The following SEMA4D variants were observed in gnomAD, a reference collection of about 807,000 sequenced individuals.
SEMA4D encodes semaphorin 4D.
Under a neutral mutation model 74.8 loss-of-function variants are expected in SEMA4D, and 22 were observed. That is an observed-to-expected ratio of 0.29 (90% confidence interval 0.21 to 0.42). The LOEUF is 0.42. Among genes scored for constraint, SEMA4D ranks in the 10% least tolerant of loss-of-function variants. The probability of loss-of-function intolerance (pLI) is 1.00; values close to 1 mark genes in which losing one functional copy is unlikely to be tolerated. For missense variants in SEMA4D, 937 were observed against 1,118.4 expected (o/e 0.84, Z 2.31); for synonymous variants, 445 against 463.7 (o/e 0.96, Z 0.52).
intron 16 of SEMA4D, among the ~76,000 whole-genome samples, chr9:89,371,387 CT>C (rs1834715509): frequency 4.7e-5 from 2 of 42,108 alleles, no homozygotes; most frequent in South Asian, 9.6e-4. Context: ...GCATGTGTGT[CT>C]GGGGTGTGGT....
At chr9:89,450,179 CAAGCAGAAGAAGGACCATGAAA>C in intron 2 of SEMA4D, 1 of 1,259,600 alleles carries the variant, frequency 7.9e-7, no homozygotes, top group South Asian at 1.2e-5. Context: ...TTCCCACAGA[CAAGCAGAAGAAGGACCATGAAA>C]AAGCTGAATT....
intron 2 of SEMA4D, among the ~76,000 whole-genome samples, chr9:89,410,055 C>T (rs907673955): frequency 6.8e-6 from 1 of 146,904 alleles, no homozygotes. Flanking sequence ...TAACAACTGG[C>T]TCTCCACGGG....
At position 89,406,530 on chromosome 9, in the gene SEMA4D, T is replaced by C. The variant is rs1204844436; in HGVS notation, c.-243-831A>G. On this transcript the variant is annotated intron_variant, in intron 2 of 15. Coordinates refer to ENST00000422704, the MANE Select transcript of SEMA4D (RefSeq NM_001371194.2). ...TGACTGCATGGCTACTGTCCTGGTG[T>C]ACCTTTGCTGGGCCCCACAGCGTAA... 5.3e-5 allele frequency among the ~76,000 whole-genome samples: 8 copies of C among 152,192 alleles called. No homozygotes were observed. In the South Asian group the frequency reaches 1.4e-3, roughly 28 times the overall value.
intron 2 of SEMA4D, among the ~76,000 whole-genome samples, chr9:89,419,857 G>C (rs774365325): frequency 6.6e-6 from 1 of 152,050 alleles, no homozygotes; most frequent in Non-Finnish European, 1.5e-5. Flanking sequence ...GTGGAGGTTG[G>C]AGTGAGCCAA....
At position 89,378,995 on chromosome 9, in the gene SEMA4D, T is replaced by C; in HGVS notation, c.2298A>G (p.Lys766=). 6.2e-7 allele frequency: 1 copy of C among 1,613,370 alleles called. No homozygotes were observed. Among genetic ancestry groups the C allele is most frequent in the Non-Finnish European group, 8.5e-7 (1 of 1,179,628 alleles). The stretch of plus-strand genomic sequence containing the variant: ...TCCCAATTAGTAGGGCCGAGCGGAA[T>C]TTCAAGCACTGTCTGGGCAGGTATC... ...YKGYLPRQCL[K]FRSALLIGKK... The change falls in exon 16 of 16, where the codon AAA becomes AAG. Residue 766 remains lysine (K), a synonymous_variant. Coordinates refer to ENST00000422704, the MANE Select transcript of SEMA4D (RefSeq NM_001371194.2).
chr9:89,384,496 G>A (rs1001298082), intron 13 of SEMA4D: 6 of 259,210 alleles, frequency 2.3e-5, no homozygotes, highest in Admixed American at 1.3e-4. Context: ...AAAATGAAGA[G>A]TTTGTATTTC....
At chr9:89,379,782 C>A (rs1188780154) in intron 15 of SEMA4D, among the ~76,000 whole-genome samples, 153 bp from the exon 16 acceptor site, 1 of 152,176 alleles carries the variant, frequency 6.6e-6, no homozygotes, top group East Asian at 1.9e-4. Flanking sequence ...ACATGCGTGA[C>A]CAAAAAGCAA....
intron 2 of SEMA4D, among the ~76,000 whole-genome samples, chr9:89,415,384 C>A (rs531571838): frequency 6.6e-6 from 1 of 152,326 alleles, no homozygotes; most frequent in South Asian, 2.1e-4. Flanking sequence ...ACTGTGTTAA[C>A]CCTGCGGCCC....
intron 2 of SEMA4D, chr9:89,449,806 A>G (rs1853912798): frequency 1.3e-6 from 2 of 1,489,914 alleles, no homozygotes; most frequent in Non-Finnish European, 1.9e-6. Flanking sequence ...ATTTTGGTAA[A>G]TAACTGTGTA....
chr9:89,479,685 G>A, intron 1 of SEMA4D: 2 of 161,840 alleles, frequency 1.2e-5, no homozygotes, highest in East Asian at 1.8e-4. Context: ...CCTTCACGGT[G>A]AGTGTTACAG....
chr9:89,364,012 T>G, intron 16 of SEMA4D: 1 of 1,613,416 alleles, frequency 6.2e-7, no homozygotes, highest in Non-Finnish European at 8.5e-7. Context: ...AGCTGCCCCA[T>G]GAGGGTGCAG....
chr9:89,400,083 A>C (rs1841861809), intron 4 of SEMA4D, among the ~76,000 whole-genome samples: 2 of 151,458 alleles, frequency 1.3e-5, no homozygotes, highest in African/African-American at 4.8e-5. Flanking sequence ...TCACTGTATC[A>C]GTAGAAAGGG....
At chr9:89,490,937 A>G (rs551222482) in intron 1 of SEMA4D, among the ~76,000 whole-genome samples, 23 of 152,326 alleles carry the variant, frequency 1.5e-4, no homozygotes, top group African/African-American at 5.3e-4. Context: ...GCAGCCACAG[A>G]TGATTCGAAA....
At position 89,450,660 on chromosome 9, in the gene SEMA4D, GAAAAAAAAA is replaced by G. The variant is rs71358578; in HGVS notation, c.-244+5219_-244+5227del. 324 of 430,112 alleles carry G rather than the reference GAAAAAAAAA, an allele frequency of 7.5e-4. 2 individuals carry two copies. Among genetic ancestry groups the G allele is most frequent in the African/African-American group, 1.3e-3 (24 of 18,130 alleles). 26.6% of individuals were successfully genotyped at this position (430,112 alleles called of 1,614,324 possible). Reference sequence around the variant, plus strand: ...GAGTTCTGCAAGTCGAAAAACCCAGGAAAAAAAAAAAAAAAAAAAAAAAAAAAGGCCTCC... The same window carrying G: ...GAGTTCTGCAAGTCGAAAAACCCAGGAAAAAAAAAAAAAAAAAAGGCCTCC... On this transcript the variant is annotated intron_variant, in intron 2 of 15. Transcript: ENST00000422704.
intron 1 of SEMA4D, among the ~76,000 whole-genome samples, chr9:89,489,807 C>T (rs1484397252): frequency 1.3e-5 from 2 of 152,212 alleles, no homozygotes; most frequent in East Asian, 3.8e-4. Flanking sequence ...CCACTGTGAA[C>T]AGCCGTGTAT....
chr9:89,398,813 T>C (rs4877080), intron 5 of SEMA4D, among the ~76,000 whole-genome samples: 115 of 152,088 alleles, frequency 7.6e-4, no homozygotes, highest in Non-Finnish European at 1.4e-3. Context: ...CTGCAAGAGG[T>C]TGAGCACAGC....
At chr9:89,362,029 GA>G in exon 19 of SEMA4D, 1 of 407,360 alleles carries the variant, frequency 2.5e-6, no homozygotes, top group African/African-American at 2.0e-5. Context: ...GACGGTGTAG[GA>G]TCAGCCTTCA....
chr9:89,477,163 C>T (rs1588155387), intron 1 of SEMA4D, among the ~76,000 whole-genome samples: 2 of 152,292 alleles, frequency 1.3e-5, no homozygotes, highest in South Asian at 4.1e-4. Flanking sequence ...AGACTTCCAG[C>T]ATGCTGTGCA....
chr9:89,409,270 G>A (rs1843992324), intron 2 of SEMA4D, among the ~76,000 whole-genome samples: 1 of 152,226 alleles, frequency 6.6e-6, no homozygotes, highest in Non-Finnish European at 1.5e-5. Flanking sequence ...CCCAGGGGCT[G>A]GGGAGAGAGA....
Sources: allele counts gnomAD v4.1 joint callset (sites outside exome capture counted in the v4.1 genomes callset), GRCh38; gene constraint gnomAD v4.1.1; transcripts MANE v1.5; gene names NCBI Gene and HGNC (gene_info 2026-07-23, HGNC 2026-07-21).